The following BPIFB3 variants were observed in gnomAD, a reference collection of about 807,000 sequenced individuals.
BPIFB3 encodes BPI fold-containing family B member 3.
In BPIFB3, 49 loss-of-function variants were observed where a neutral mutation model predicts 53.1. The ratio of observed to expected loss-of-function variants is 0.92; its 90% CI spans 0.73 to 1.17. BPIFB3 has a LOEUF of 1.17. BPIFB3 is among the 50% of genes most tolerant of loss of function. BPIFB3 has a pLI of 0.00. For missense variants in BPIFB3, 628 were observed against 592.5 expected, an observed-to-expected ratio of 1.06 and a Z score of -0.62; for synonymous variants, 271 against 269.6, an observed-to-expected ratio of 1.01 and a Z score of -0.05.
exon 2 of BPIFB3, chr20:33,056,664 G>A (rs749297272): frequency 1.3e-5 from 21 of 1,610,600 alleles, no homozygotes; most frequent in Admixed American, 1.0e-4. Flanking sequence ...GCTGGGCCAC[G>A]GAGGGGTTTT....
At chr20:33,060,613 G>A (rs555883821) in intron 4 of BPIFB3, among the ~76,000 whole-genome samples, 6 of 151,578 alleles carry the variant, frequency 4.0e-5, no homozygotes, top group Non-Finnish European at 7.4e-5. Context: ...TCTTTCACCC[G>A]GGCTGGAGTG....
exon 10 of BPIFB3, chr20:33,068,835 C>T: frequency 6.2e-7 from 1 of 1,613,988 alleles, no homozygotes; most frequent in Non-Finnish European, 8.5e-7. Flanking sequence ...ACCAGCAACT[C>T]CTACTGTTCC....
intron 12 of BPIFB3, 36 bp from the exon 14 acceptor site, chr20:33,072,068 A>C (rs1273794888): frequency 6.2e-7 from 1 of 1,611,828 alleles, no homozygotes; most frequent in South Asian, 1.1e-5. Context: ...CACACCCCAG[A>C]GCACCACCCC....
chr20:33,062,971 C>T (rs1980517611), intron 5 of BPIFB3, among the ~76,000 whole-genome samples: 1 of 152,220 alleles, frequency 6.6e-6, no homozygotes, highest in South Asian at 2.1e-4. Flanking sequence ...CCACCTTCTT[C>T]TCTGGCCTCA....
At chr20:33,060,612 C>CG in intron 4 of BPIFB3, among the ~76,000 whole-genome samples, 1 of 152,216 alleles carries the variant, frequency 6.6e-6, no homozygotes, top group East Asian at 1.9e-4. Flanking sequence ...CTCTTTCACC[C>CG]GGGCTGGAGT....
chr20:33,065,691 A>G (rs919213126), intron 8 of BPIFB3, among the ~76,000 whole-genome samples: 9 of 152,198 alleles, frequency 5.9e-5, no homozygotes, highest in Admixed American at 3.3e-4. Context: ...AGTACCTCCC[A>G]ACTTCCATTC....
upstream of BPIFB3, among the ~76,000 whole-genome samples, chr20:33,054,986 C>G (rs1980130962): frequency 6.6e-6 from 1 of 152,226 alleles, no homozygotes; most frequent in Admixed American, 6.5e-5. Flanking sequence ...AAGCTCTCAT[C>G]CTGCTGTCCT....
chr20:33,056,537 T>G lies in BPIFB3; in HGVS notation c.125-5T>G, dbSNP rs1980212161. ...AGTACCTTCCTACTTCCACTCTCTC[T>G]GCAGCCATCCAGAACTCACTGGTTG... On this transcript the variant is annotated splice_region_variant and splice_polypyrimidine_tract_variant and intron_variant, in intron 1 of 14. Transcript: ENST00000375494. 3.1e-6 allele frequency: 5 copies of G among 1,613,800 alleles called. No homozygotes were observed. Among genetic ancestry groups the G allele is most frequent in the Non-Finnish European group, 4.2e-6 (5 of 1,179,988 alleles).
intron 7 of BPIFB3, 45 bp downstream of exon 8, chr20:33,064,593 T>G (rs1371772965): frequency 1.7e-5 from 27 of 1,612,896 alleles, no homozygotes; most frequent in Non-Finnish European, 2.3e-5. Context: ...GGTGGCTAGA[T>G]AGGGGATGCC....
At chr20:33,072,119 G>C (rs1940053675) in exon 13 of BPIFB3, 1 of 1,614,122 alleles carries the variant, frequency 6.2e-7, no homozygotes, top group Admixed American at 1.7e-5. Context: ...GCGTTTAGAA[G>C]AATGGCTCAG....
chr20:33,068,061 A>G (rs1980737214), intron 9 of BPIFB3, among the ~76,000 whole-genome samples: 1 of 152,208 alleles, frequency 6.6e-6, no homozygotes, highest in African/African-American at 2.4e-5. Context: ...CAGTCAGCGT[A>G]TATCCACTGA....
At chr20:33,065,890 G>A (rs901468700) in intron 8 of BPIFB3, among the ~76,000 whole-genome samples, 1 of 152,204 alleles carries the variant, frequency 6.6e-6, no homozygotes, top group African/African-American at 2.4e-5. Flanking sequence ...GCTGGAACAG[G>A]ACCCTGAGCT....
At chr20:33,057,161 A>AG (rs528915276) in intron 2 of BPIFB3, among the ~76,000 whole-genome samples, 117 of 152,280 alleles carry the variant, frequency 7.7e-4, no homozygotes, top group Non-Finnish European at 1.2e-3. Context: ...GATCATAAAT[A>AG]GGGACACAGT....
intron 12 of BPIFB3, 131 bp from the exon 14 acceptor site, chr20:33,071,973 C>A: frequency 1.2e-6 from 1 of 855,434 alleles, no homozygotes; most frequent in Non-Finnish European, 1.9e-6. Context: ...CTGCCAGGAG[C>A]TGTGTCCTCA....
chr20:33,070,084 C>A, intron 11 of BPIFB3, 129 bp downstream of exon 12: 1 of 1,002,090 alleles, frequency 1.0e-6, no homozygotes, highest in Non-Finnish European at 1.5e-6. Flanking sequence ...ATCCTCCTTG[C>A]CTTCAGGACC....
chr20:33,069,757 C>A, intron 10 of BPIFB3, 131 bp from the exon 12 acceptor site: 1 of 887,016 alleles, frequency 1.1e-6, no homozygotes, highest in Non-Finnish European at 1.9e-6. Context: ...CTTCTCAGGG[C>A]TCAGCACAGA....
intron 8 of BPIFB3, among the ~76,000 whole-genome samples, chr20:33,066,485 C>T (rs1474083956): frequency 1.3e-5 from 2 of 152,188 alleles, no homozygotes; most frequent in African/African-American, 4.8e-5. Context: ...TTAGCCTGCC[C>T]AGGTTCAAAT....
intron 9 of BPIFB3, 80 bp from the exon 11 acceptor site, chr20:33,068,723 A>G: frequency 1.4e-6 from 2 of 1,433,514 alleles, no homozygotes; most frequent in Non-Finnish European, 1.9e-6. Context: ...AGTGCCTGGT[A>G]GGTGCTTAGT....
rs115109692 is a variant in BPIFB3, at chr20:33,060,870, A to G, written c.527+839A>G. Among the ~76,000 whole-genome samples the G allele has an allele frequency of 4.3e-3, 658 of 152,242 alleles. 2 individuals are homozygous for G. Among genetic ancestry groups the G allele is most frequent in the African/African-American group, 0.015 (626 of 41,532 alleles). ...GTGAGCCACCGTGCCTGACCTCTCAATCATCACTTTCATGGGACCATGGAG... is the reference window on the plus strand; with the variant it reads ...GTGAGCCACCGTGCCTGACCTCTCAGTCATCACTTTCATGGGACCATGGAG... On this transcript the variant is annotated intron_variant, in intron 4 of 14. Coordinates refer to ENST00000375494, the Ensembl canonical transcript of BPIFB3.
Sources: allele counts gnomAD v4.1 joint callset (sites outside exome capture counted in the v4.1 genomes callset), GRCh38; gene constraint gnomAD v4.1.1; transcripts MANE v1.5; gene names NCBI Gene and HGNC (gene_info 2026-07-23, HGNC 2026-07-21).